The following ACSL4 variants were observed in gnomAD, a reference collection of about 807,000 sequenced individuals.
ACSL4 encodes acyl-CoA synthetase long chain family member 4, also known as long-chain-fatty-acid--CoA ligase 4.
A neutral mutation model predicts 49.1 loss-of-function variants in ACSL4; 9 were observed. The ratio of observed to expected loss-of-function variants is 0.18; its 90% CI spans 0.11 to 0.32. The LOEUF (loss-of-function observed/expected upper bound fraction) is 0.32, where lower values mean the gene tolerates loss of function less well. Ranked by LOEUF, ACSL4 falls within the 10% of genes least tolerant of loss-of-function variation. The pLI, the probability that ACSL4 is intolerant of heterozygous loss-of-function variation, is 1.00. For missense variants in ACSL4, 333 were observed against 493.7 expected, an observed-to-expected ratio of 0.67 and a Z score of 3.08; for synonymous variants, 191 against 170.3, an observed-to-expected ratio of 1.12 and a Z score of -0.95.
At chrX:109,732,738 G>A (rs1024409737) in intron 1 of ACSL4, among the ~76,000 whole-genome samples, 1 of 111,446 alleles carries the variant, frequency 9.0e-6, no homozygotes, top group African/African-American at 3.3e-5. Context: ...ATGGAGTTGA[G>A]GTTTAGGGGC....
At chrX:109,694,963 G>C (rs760350119) in intron 2 of ACSL4, among the ~76,000 whole-genome samples, 26 of 111,773 alleles carry the variant, frequency 2.3e-4, no homozygotes, top group African/African-American at 8.4e-4. Flanking sequence ...ATCAGTTTGA[G>C]AGACAGCCTC....
chrX:109,676,900 C>T (rs906622213), intron 8 of ACSL4, among the ~76,000 whole-genome samples: 2 of 111,611 alleles, frequency 1.8e-5, no homozygotes, highest in Non-Finnish European at 3.8e-5. Context: ...GTTGGTCACA[C>T]GTAGCTATTG....
intron 2 of ACSL4, among the ~76,000 whole-genome samples, chrX:109,692,711 C>T (rs1416283263): frequency 8.9e-6 from 1 of 111,878 alleles, no homozygotes; most frequent in African/African-American, 3.2e-5. Context: ...GCCCATTGTA[C>T]CACAGTGCAG....
intron 2 of ACSL4, among the ~76,000 whole-genome samples, chrX:109,693,498 C>T (rs891431834): frequency 1.6e-4 from 18 of 111,773 alleles, no homozygotes; most frequent in Non-Finnish European, 3.0e-4. Flanking sequence ...TCTGACATTT[C>T]AGAAATTAAA....
intron 15 of ACSL4, among the ~76,000 whole-genome samples, chrX:109,647,367 T>A (rs901872899): frequency 1.3e-4 from 15 of 111,534 alleles, no homozygotes; most frequent in East Asian, 2.8e-4. Flanking sequence ...GGATTAAGAA[T>A]CTCACTCAAA....
chrX:109,651,898 C>T (rs1318550627), intron 15 of ACSL4, among the ~76,000 whole-genome samples: 1 of 111,697 alleles, frequency 9.0e-6, no homozygotes, highest in African/African-American at 3.3e-5. Context: ...TCTAATACTC[C>T]AAGCCATAGG....
intron 2 of ACSL4, 183 bp downstream of exon 2, chrX:109,695,961 G>A (rs898900969): frequency 1.8e-5 from 2 of 112,068 alleles, no homozygotes; most frequent in Admixed American, 9.4e-5. Flanking sequence ...TTTAGAAGCT[G>A]CACAGGGTAA....
At chrX:109,689,145 C>A (rs968092431) in intron 2 of ACSL4, among the ~76,000 whole-genome samples, 5 of 111,277 alleles carry the variant, frequency 4.5e-5, no homozygotes, top group Non-Finnish European at 7.5e-5. Context: ...CACCCTTTTA[C>A]CCCCCTCTCT....
intron 14 of ACSL4, among the ~76,000 whole-genome samples, chrX:109,660,976 T>C (rs1483843806): frequency 4.5e-5 from 5 of 111,066 alleles, no homozygotes; most frequent in Non-Finnish European, 7.6e-5. Context: ...GTTTCCATTT[T>C]GCAAGAAAAA....
intron 2 of ACSL4, among the ~76,000 whole-genome samples, chrX:109,687,290 C>T (rs1011499425): frequency 1.8e-5 from 2 of 112,393 alleles, no homozygotes; most frequent in African/African-American, 6.5e-5. Context: ...GGGTATGATG[C>T]TGAGCATCGT....
chrX:109,660,793 C>T (rs898313296), intron 14 of ACSL4, among the ~76,000 whole-genome samples: 5 of 111,416 alleles, frequency 4.5e-5, no homozygotes, highest in African/African-American at 9.8e-5. Context: ...CATGGATAAT[C>T]CTTGAGGACA....
intron 2 of ACSL4, among the ~76,000 whole-genome samples, chrX:109,684,658 T>C (rs981449886): frequency 8.9e-6 from 1 of 111,821 alleles, no homozygotes; most frequent in African/African-American, 3.3e-5. Flanking sequence ...GTGTAGGCAG[T>C]AGTATAAGCA....
In ACSL4 at chrX:109,733,189, GA is replaced by G; in HGVS notation, c.-117del. On this transcript the variant is annotated 5_prime_UTR_variant, in exon 1 of 16. Transcript: ENST00000672401. ...GCAGCCGGCCGGCGCCTGGCACTCG[GA>G]AAGCTCGCAAAAAGGAACCGCGTGC... 1 of 328,547 alleles carries G rather than the reference GA, an allele frequency of 3.0e-6. No homozygotes were observed. The highest frequency in any genetic ancestry group is 5.9e-6 in the Non-Finnish European group (1 of 169,152). 27.1% of individuals were successfully genotyped at this position (328,547 alleles called of 1,213,427 possible).
Position 109,663,314 on chromosome X carries a change from T to C in ACSL4, c.1479A>G (p.Glu493=), listed in dbSNP as rs755434777. 3.3e-6 allele frequency: 4 copies of C among 1,209,897 alleles called. No individual in the cohort carries two copies. In the South Asian group the frequency reaches 7.0e-5, roughly 21 times the overall value. ...QNISMGYFKN[E]EKTAEDYSVD... is the part of the protein sequence containing the mutation. The stretch of plus-strand genomic sequence containing the variant: ...CAGAATAATCTTCTGCTGTTTTCTC[T>C]TCATTTTTAAAATATCCCATGGAGA... The change falls in exon 13 of 16, where the codon GAA becomes GAG. Residue 493 remains glutamate, a synonymous_variant. Transcript: ENST00000672401.
chrX:109,731,844 T>G (rs1451797073), intron 1 of ACSL4, among the ~76,000 whole-genome samples: 1 of 112,407 alleles, frequency 8.9e-6, no homozygotes, highest in Non-Finnish European at 1.9e-5. Flanking sequence ...GAAGAGGCCT[T>G]ACACTGTTAA....
At chrX:109,668,934 T>C in intron 10 of ACSL4, 100 bp downstream of exon 10, 1 of 716,312 alleles carries the variant, frequency 1.4e-6, no homozygotes, top group Non-Finnish European at 2.1e-6. Context: ...GGTGGTGATA[T>C]TCAAATGAAT....
intron 1 of ACSL4, among the ~76,000 whole-genome samples, chrX:109,727,509 C>G (rs1234270980): frequency 1.8e-5 from 2 of 111,725 alleles, no homozygotes; most frequent in Non-Finnish European, 3.8e-5. Context: ...CAAAATCAAC[C>G]GTCTCAACTC....
intron 12 of ACSL4, among the ~76,000 whole-genome samples, chrX:109,664,022 A>T (rs1357958634): frequency 8.9e-6 from 1 of 111,866 alleles, no homozygotes; most frequent in Non-Finnish European, 1.9e-5. Context: ...AGGAAAATAT[A>T]CAAAAATCTA....
At chrX:109,645,554 A>C (rs2147349573) in intron 15 of ACSL4, among the ~76,000 whole-genome samples, 1 of 112,143 alleles carries the variant, frequency 8.9e-6, no homozygotes, top group East Asian at 2.8e-4. Context: ...AAAGTAGATA[A>C]AACCACAAAG....
Sources: allele counts gnomAD v4.1 joint callset (sites outside exome capture counted in the v4.1 genomes callset), GRCh38; gene constraint gnomAD v4.1.1; transcripts MANE v1.5; gene names NCBI Gene and HGNC (gene_info 2026-07-23, HGNC 2026-07-21).